HCN2: variants seen among roughly 807,000 people sequenced by gnomAD.
The protein encoded by HCN2 is hyperpolarization activated cyclic nucleotide gated potassium and sodium channel 2.
HCN2 carries 20 observed loss-of-function variants against 52.3 expected under a neutral mutation model. The ratio of observed to expected loss-of-function variants is 0.38; its 90% confidence interval spans 0.27 to 0.56. The LOEUF is 0.56. Among genes scored for constraint, HCN2 ranks in the 20% least tolerant of loss-of-function variants. The pLI is 0.71. For missense variants in HCN2, 981 were observed against 1,207.7 expected (o/e 0.81, Z 2.78); for synonymous variants, 694 against 537.0 (o/e 1.29, Z -4.04).
At chr19:605,308 G>T in intron 3 of HCN2, 86 bp downstream of exon 3, 1 of 1,343,634 alleles carries the variant, frequency 7.4e-7, no homozygotes, top group Non-Finnish European at 1.0e-6. Context: ...GCTTACAGAG[G>T]GTTGAACCCA....
Position 610,354 on chromosome 19 carries a change from G to A in HCN2, c.1533G>A (p.Lys511=), listed in dbSNP as rs778645411. 4 of 1,613,690 alleles carry A rather than the reference G, an allele frequency of 2.5e-6. No homozygotes were observed. In the African/African-American group the frequency reaches 5.3e-5, roughly 22 times the overall value. The change falls in exon 5 of 8, where the codon AAG becomes AAA. Residue 511 remains lysine, a synonymous_variant. Coordinates refer to ENST00000251287, the MANE Select transcript of HCN2 (RefSeq NM_001194.4). ...ACTATGAGCACCGTTACCAGGGCAA[G>A]ATGTTTGACGAGGACAGCATCCTGG... ...HDYYEHRYQG[K]MFDEDSILGE...
rs1424340502 is a variant in HCN2 at position 590,233 on chromosome 19, C to T, written c.288C>T (p.Gly96=). 2 of 989,430 alleles carry T rather than the reference C, an allele frequency of 2.0e-6. No homozygotes were observed. The highest frequency in any genetic ancestry group is 1.1e-4 in the East Asian group (1 of 8,750). The allele number at this position is 989,430 out of a possible 1,614,324, so 61.3% of individuals were successfully genotyped here. A position where few individuals can be genotyped will look rare whatever the true frequency, so the allele number is the denominator to read the frequency against. ...GTPGAASTAK[G]SPNGECGRGE... is the part of the protein sequence containing the mutation. ...CGGGCGCGGCGAGCACGGCCAAGGG[C>T]AGCCCGAACGGCGAGTGCGGGCGCG... The change falls in exon 1 of 8, where the codon GGC becomes GGT. Residue 96 remains glycine (G), a synonymous_variant. Transcript: ENST00000251287. The surrounding 1 kb of genome is among the most constrained non-coding windows in gnomAD (Gnocchi z 7.2).
rs1048180944 is a variant in HCN2, at chr19:613,188, G to C, written c.1585-60G>C. On this transcript the variant is annotated intron_variant, in intron 5 of 7. Transcript: ENST00000251287. The stretch of plus-strand genomic sequence containing the variant: ...GAGAGGTGAGCCGGTCCCAGAGGCA[G>C]GGCGAGGGGGAAGCGGGAGTGGGGT... The C allele has an allele frequency of 9.7e-6, 15 of 1,541,544 alleles. No individual in the cohort carries two copies. The African/African-American group carries it at 1.9e-4, about 20-fold the overall frequency.
intron 1 of HCN2, among the ~76,000 whole-genome samples, chr19:597,291 G>C (rs1184061028): frequency 6.6e-6 from 1 of 152,230 alleles, no homozygotes; most frequent in Non-Finnish European, 1.5e-5. Context: ...GTGGATAAGA[G>C]GACAGTCCTG....
intron 1 of HCN2, among the ~76,000 whole-genome samples, chr19:602,446 C>G (rs1373244047): frequency 3.3e-5 from 5 of 152,048 alleles, no homozygotes; most frequent in South Asian, 4.1e-4. Flanking sequence ...GGACGCCCCA[C>G]TTCCTCTGGA....
At chr19:610,017 C>T (rs560952872) in intron 4 of HCN2, among the ~76,000 whole-genome samples, 20 of 152,326 alleles carry the variant, frequency 1.3e-4, no homozygotes, top group East Asian at 3.9e-4. Flanking sequence ...CCTGTCTCCC[C>T]GCTGTGGGCG....
intron 2 of HCN2, among the ~76,000 whole-genome samples, chr19:604,637 A>ATCCGAGT: frequency 8.9e-6 from 1 of 112,888 alleles, no homozygotes; most frequent in Non-Finnish European, 1.8e-5. Flanking sequence ...GGGGTCAGGC[A>ATCCGAGT]GCAAGGGCGG....
In HCN2 at chr19:615,960, C is replaced by T. The variant is rs770800808; in HGVS notation, c.2156C>T (p.Pro719Leu). 3 of 1,595,854 alleles carry T rather than the reference C, an allele frequency of 1.9e-6. No homozygotes were observed. The highest frequency in any genetic ancestry group is 1.7e-5 in the Admixed American group (1 of 59,478). The change falls in exon 8 of 8, where the codon CCG (proline) becomes CTG (leucine). Residue 719 changes from proline to leucine, a missense_variant. Coordinates refer to ENST00000251287, the MANE Select transcript of HCN2 (RefSeq NM_001194.4). ...QRVGLFPPPP[P>L]PPQVTSAIAT... ...GTGGGCCTCTTCCCGCCGCCGCCGC[C>T]GCCGCCGCAGGTCACCTCGGCCATC...
At chr19:600,814 A>T (rs575046545) in intron 1 of HCN2, among the ~76,000 whole-genome samples, 3 of 152,202 alleles carry the variant, frequency 2.0e-5, no homozygotes, top group Non-Finnish European at 4.4e-5. Flanking sequence ...CCAATTAGCC[A>T]TTGTAAAACC....
intron 4 of HCN2, among the ~76,000 whole-genome samples, 180 bp downstream of exon 4, chr19:608,362 C>T (rs374166716): frequency 7.2e-4 from 104 of 143,594 alleles, no homozygotes; most frequent in African/African-American, 2.5e-3. Flanking sequence ...GTCCTTGTCC[C>T]GGGGTCTGAG....
At position 616,397 on chromosome 19, in the gene HCN2, G is replaced by A. The variant is rs1983926646; in HGVS notation, c.2593G>A (p.Asp865Asn). 2 of 1,239,542 alleles carry A rather than the reference G, an allele frequency of 1.6e-6. No individual in the cohort carries two copies. The highest frequency in any genetic ancestry group is 2.0e-6 in the Non-Finnish European group (2 of 987,076). The allele number at this position is 1,239,542 out of a possible 1,614,324, so 76.8% of individuals were successfully genotyped here. Reference protein sequence around the residue: ...RAAAPSPDRRDSASPGAAGGL... With the variant: ...RAAAPSPDRRNSASPGAAGGL... ...CGCCGCGCCCAGCCCGGACCGCAGG[G>A]ACTCGGCCTCACCCGGCGCCGCCGG... Residue 865 changes from aspartate (D) to asparagine (N), a missense_variant, in exon 8 of 8, where the codon GAC becomes AAC. This residue lies in a region of HCN2 where 368 missense variants were observed against 314.8 expected (regional missense o/e 1.17). Coordinates refer to ENST00000251287, the MANE Select transcript of HCN2 (RefSeq NM_001194.4).
At chr19:603,223 C>A (rs111731254) in intron 1 of HCN2, among the ~76,000 whole-genome samples, 2 of 41,274 alleles carry the variant, frequency 4.8e-5, no homozygotes, top group African/African-American at 3.3e-4. Context: ...GGCACCCTCG[C>A]CCCCCAGGGA....
intron 1 of HCN2, among the ~76,000 whole-genome samples, chr19:593,121 C>T (rs1394200162): frequency 2.0e-5 from 3 of 152,368 alleles, no homozygotes; most frequent in Admixed American, 6.5e-5. Context: ...CCGGTTCTTC[C>T]TCGCTGCCCA....
At chr19:602,945 C>G (rs72974105) in intron 1 of HCN2, among the ~76,000 whole-genome samples, 1 of 78,940 alleles carries the variant, frequency 1.3e-5, no homozygotes, top group African/African-American at 5.2e-5. Flanking sequence ...GTCCTGCAGG[C>G]GCCTGGGGGG....
At chr19:597,817 G>T (rs1205833117) in intron 1 of HCN2, among the ~76,000 whole-genome samples, 7 of 151,716 alleles carry the variant, frequency 4.6e-5, no homozygotes, top group African/African-American at 1.7e-4. Context: ...AGGTCTCCTT[G>T]GCAGTTTCTA....
chr19:602,497 C>A (rs1392682321), intron 1 of HCN2, among the ~76,000 whole-genome samples: 1 of 152,162 alleles, frequency 6.6e-6, no homozygotes, highest in African/African-American at 2.4e-5. Flanking sequence ...TCCTGTGGCC[C>A]CTGTGGAGGC....
intron 1 of HCN2, among the ~76,000 whole-genome samples, chr19:597,385 T>C (rs536989835): frequency 1.9e-4 from 29 of 152,186 alleles, no homozygotes; most frequent in Non-Finnish European, 3.4e-4. Context: ...AGGGGGAGAA[T>C]GTCTGTTAAT....
rs565382083 is a variant in HCN2, at chr19:612,239, A to G, written c.1585-1009A>G. On this transcript the variant is annotated intron_variant, in intron 5 of 7. Transcript: ENST00000251287. ...GAACGTGGTGTAACCACCACACAGAACGAAGCTGGAACGTTCCTGCCGTCC... is the reference window on the plus strand; with the variant it reads ...GAACGTGGTGTAACCACCACACAGAGCGAAGCTGGAACGTTCCTGCCGTCC... Among the ~76,000 whole-genome samples the G allele has an allele frequency of 6.6e-5, 10 of 152,252 alleles. No individual in the cohort carries two copies. In the East Asian group the frequency reaches 1.9e-3, roughly 29 times the overall value.
intron 1 of HCN2, among the ~76,000 whole-genome samples, chr19:595,130 A>G (rs758111592): frequency 7.2e-5 from 11 of 152,098 alleles, no homozygotes; most frequent in Non-Finnish European, 1.2e-4. Context: ...TGAGCCCAGG[A>G]GGTTGAGGCT....
Sources: allele counts gnomAD v4.1 joint callset (sites outside exome capture counted in the v4.1 genomes callset), GRCh38; gene constraint gnomAD v4.1.1; regional missense constraint gnomAD v4.1.1; non-coding constraint Gnocchi (gnomAD v3.1); transcripts MANE v1.5; gene names NCBI Gene and HGNC (gene_info 2026-07-23, HGNC 2026-07-21).